SMC4: variants seen among roughly 807,000 people sequenced by gnomAD.
SMC4 encodes the protein structural maintenance of chromosomes 4.
SMC4 carries 87 observed loss-of-function variants against 145.6 expected under a neutral mutation model. That is an observed-to-expected ratio of 0.60 (90% confidence interval 0.50 to 0.71). SMC4 has a LOEUF of 0.71. SMC4 is among the 30% of genes least tolerant of loss of function. SMC4 has a pLI of 0.00. For synonymous variants in SMC4, 558 were observed against 500.7 expected (o/e 1.11, Z -1.53); for missense variants, 1,447 against 1,537.1 (o/e 0.94, Z 0.98).
At chr3:160,404,543 G>A (rs1308296052) in intron 5 of SMC4, 39 bp downstream of exon 5, 5 of 1,594,414 alleles carry the variant, frequency 3.1e-6, no homozygotes, top group Non-Finnish European at 4.3e-6. Context: ...TCTTATTCTT[G>A]TTACTTTTTT....
Position 160,426,151 on chromosome 3 carries a change from CAAAA to C in SMC4, c.2561_2564del (p.Lys854SerfsTer5). The stretch of plus-strand genomic sequence containing the variant: ...CTAATGTACTTGCTACAGCCCCTGA[CAAAA>C]AAAAGCAGAAATTGCTAGAAGAAAA... On this transcript the variant is annotated frameshift_variant, in exon 17 of 24. Coordinates refer to ENST00000357388, the MANE Select transcript of SMC4 (RefSeq NM_001002800.3). LOFTEE classifies it high-confidence loss of function. 6.2e-7 allele frequency: 1 copy of C among 1,600,100 alleles called. No individual in the cohort carries two copies. The highest frequency in any genetic ancestry group is 1.1e-5 in the South Asian group (1 of 89,256).
chr3:160,428,895 T>G lies in SMC4; in HGVS notation c.2748T>G (p.Cys916Trp). 6.2e-7 allele frequency: 1 copy of G among 1,601,922 alleles called. No individual in the cohort carries two copies. Among genetic ancestry groups the G allele is most frequent in the Middle Eastern group, 1.7e-4 (1 of 6,028 alleles). Residue 916 changes from cysteine (C) to tryptophan (W), a missense_variant, in exon 18 of 24, where the codon TGT (cysteine) becomes TGG (tryptophan). By Grantham distance (215) the Cys-to-Trp change is radical. Transcript: ENST00000357388. The part of the protein sequence containing the change: ...LDKINKQLDE[C>W]ASAITKAQVA... ...AAATAAATAAGCAATTAGATGAATG[T>G]GCTTCTGCTATTACTAAAGCCCAAG... is the stretch of plus-strand genomic sequence containing the variant.
chr3:160,424,781 G>C (rs1193987301), intron 15 of SMC4, 86 bp from the exon 16 acceptor site: 35 of 1,512,778 alleles, frequency 2.3e-5, no homozygotes, highest in Non-Finnish European at 3.0e-5. Context: ...TTGCACTCCA[G>C]CCTGGGCGAC....
intron 2 of SMC4, 152 bp from the exon 3 acceptor site, chr3:160,401,763 A>G (rs757918546): frequency 4.3e-5 from 26 of 598,852 alleles, no homozygotes; most frequent in Non-Finnish European, 6.9e-5. Flanking sequence ...AACATATTTA[A>G]GTGGAAAATA....
At chr3:160,414,114 C>G (rs754526318) in intron 8 of SMC4, 60 of 490,970 alleles carry the variant, frequency 1.2e-4, no homozygotes, top group Non-Finnish European at 2.0e-4. Flanking sequence ...TTTTATATAC[C>G]TAGACATTGT....
rs569032998 is a variant in SMC4, at chr3:160,413,712, T to G, written c.1121+99T>G. On this transcript the variant is annotated intron_variant, in intron 8 of 23. Coordinates refer to ENST00000357388, the MANE Select transcript of SMC4 (RefSeq NM_001002800.3). The stretch of plus-strand genomic sequence containing the variant: ...TCTAGCACATTGTGAGTGTAAGACA[T>G]TTGCCAGCATATCAAGTGGTGGCCC... 3 of 714,526 alleles carry G rather than the reference T, an allele frequency of 4.2e-6. No homozygotes were observed. In the East Asian group the frequency reaches 1.1e-4, roughly 25 times the overall value. The allele number at this position is 714,526 out of a possible 1,614,324, so 44.3% of individuals were successfully genotyped here. A position where few individuals can be genotyped will look rare whatever the true frequency, so the allele number is the denominator to read the frequency against.
chr3:160,430,410 A>G (rs540208364), intron 18 of SMC4, among the ~76,000 whole-genome samples, 189 bp from the exon 19 acceptor site: 4 of 152,326 alleles, frequency 2.6e-5, no homozygotes, highest in South Asian at 4.1e-4. Context: ...AAAATATACA[A>G]CTCATCCCAT....
intron 17 of SMC4, among the ~76,000 whole-genome samples, chr3:160,426,869 C>T (rs1386310679): frequency 6.6e-6 from 1 of 152,146 alleles, no homozygotes; most frequent in Non-Finnish European, 1.5e-5. Context: ...AGAATCTTAG[C>T]TAGTGACTCC....
At chr3:160,417,028 A>G (rs1716664441) in intron 10 of SMC4, among the ~76,000 whole-genome samples, 1 of 152,316 alleles carries the variant, frequency 6.6e-6, no homozygotes, top group Non-Finnish European at 1.5e-5. Context: ...AAGTTGTCAC[A>G]TTGATATGTA....
At chr3:160,403,418 A>G (rs1714934749) in intron 4 of SMC4, among the ~76,000 whole-genome samples, 1 of 152,138 alleles carries the variant, frequency 6.6e-6, no homozygotes, top group African/African-American at 2.4e-5. Flanking sequence ...AAATGTCTAG[A>G]TTATTTACCT....
chr3:160,414,477 C>G lies in SMC4; in HGVS notation c.1232C>G (p.Ala411Gly). Residue 411 changes from alanine to glycine, a missense_variant, in exon 9 of 24, where the codon GCC (alanine) becomes GGC (glycine). By Grantham distance (60) the Ala-to-Gly change is moderately conservative (BLOSUM62 0). Transcript: ENST00000357388. Reference protein sequence around the residue: ...REKLKHATSKAKKLEKQLQKD... With the variant: ...REKLKHATSKGKKLEKQLQKD... ...AAGTTAAAACATGCCACGAGTAAAG[C>G]CAAAAAACTGGAGAAACAACTTCAA... 6.2e-7 allele frequency: 1 copy of G among 1,610,522 alleles called. No individual in the cohort carries two copies. The highest frequency in any genetic ancestry group is 8.5e-7 in the Non-Finnish European group (1 of 1,179,086).
In SMC4 at chr3:160,429,064, C is replaced by G. The variant is rs529784026; in HGVS notation, c.2795+122C>G. The G allele has an allele frequency of 6.4e-6, 5 of 781,714 alleles. No homozygotes were observed. The South Asian group carries it at 1.1e-4, about 17-fold the overall frequency. The allele number at this position is 781,714 out of a possible 1,614,324, so 48.4% of individuals were successfully genotyped here. ...CTGTTAATTTATTGAACCTGTCTGA[C>G]ACATTACCTAATGGGACTTCCATGA... On this transcript the variant is annotated intron_variant, in intron 18 of 23. Coordinates refer to ENST00000357388, the MANE Select transcript of SMC4 (RefSeq NM_001002800.3).
At chr3:160,401,692 G>T (rs1344926394) in intron 2 of SMC4, among the ~76,000 whole-genome samples, 2 of 152,112 alleles carry the variant, frequency 1.3e-5, no homozygotes, top group African/African-American at 4.8e-5. Context: ...TTTCTTTCAA[G>T]AATTTCTTTT....
chr3:160,429,505 G>A (rs1560013779), intron 18 of SMC4, among the ~76,000 whole-genome samples: 1 of 151,322 alleles, frequency 6.6e-6, no homozygotes, highest in Non-Finnish European at 1.5e-5. Flanking sequence ...TACAACACCT[G>A]GCTAATTTTT....
chr3:160,418,927 C>A lies in SMC4; in HGVS notation c.1672-431C>A, dbSNP rs77243150. Among the ~76,000 whole-genome samples, 1,061 of 152,100 alleles carry A rather than the reference C, an allele frequency of 7.0e-3. 11 individuals are homozygous for A. Among genetic ancestry groups the A allele is most frequent in the African/African-American group, 0.024 (991 of 41,462 alleles). ...CAGAGGTGTGCTTTTTCTCCAGTAC[C>A]CCCCAGCCCCGTTCAGCTAAAATAA... On this transcript the variant is annotated intron_variant, in intron 11 of 23. Transcript: ENST00000357388.
At position 160,401,928 on chromosome 3, in the gene SMC4, G is replaced by A. The variant is rs141089654; in HGVS notation, c.153G>A (p.Glu51=). The A allele has an allele frequency of 3.9e-5, 62 of 1,601,954 alleles. No individual in the cohort carries two copies. Among genetic ancestry groups the A allele is most frequent in the Non-Finnish European group, 5.3e-5 (62 of 1,175,284 alleles). The part of the protein sequence containing the change: ...SPATAAETAS[E]ELDNRSLEEI... ...TCACTGACTTAGAGACTGCAAGTGA[G>A]GAACTTGATAATAGAAGTTTAGAAG... The change falls in exon 3 of 24, where the codon GAG becomes GAA. Residue 51 remains glutamate, a synonymous_variant. Coordinates refer to ENST00000357388, the MANE Select transcript of SMC4 (RefSeq NM_001002800.3).
At position 160,425,240 on chromosome 3, in the gene SMC4, G is replaced by A. The variant is rs867317872; in HGVS notation, c.2478+221G>A. 7.9e-5 allele frequency among the ~76,000 whole-genome samples: 12 copies of A among 152,108 alleles called. No individual in the cohort carries two copies. The Middle Eastern group carries it at 0.01, about 129-fold the overall frequency. ...CCAACCACAGCTATTCCTGTTTTCC[G>A]TTTGTACTCCATAGAAACATTACTT... On this transcript the variant is annotated intron_variant, in intron 16 of 23. Coordinates refer to ENST00000357388, the MANE Select transcript of SMC4 (RefSeq NM_001002800.3).
chr3:160,425,249 C>A (rs1281200202), intron 16 of SMC4, among the ~76,000 whole-genome samples: 1 of 152,110 alleles, frequency 6.6e-6, no homozygotes, highest in Admixed American at 6.6e-5. Flanking sequence ...CGTTTGTACT[C>A]CATAGAAACA....
chr3:160,413,407 G>C (rs1182609672), intron 7 of SMC4, 66 bp from the exon 8 acceptor site: 5 of 1,454,608 alleles, frequency 3.4e-6, no homozygotes, highest in Non-Finnish European at 3.7e-6. Context: ...TACTAAAATT[G>C]TTATACAGTT....
Sources: gnomAD v4.1 joint callset for allele counts (sites outside exome capture counted in the v4.1 genomes callset) on GRCh38, gnomAD v4.1.1 for gene constraint, MANE v1.5 for transcripts, NCBI Gene and HGNC (gene_info 2026-07-23, HGNC 2026-07-21) for gene names.